The following ROBO2 variants were observed in gnomAD, a reference collection of about 807,000 sequenced individuals.
The protein encoded by ROBO2 is roundabout guidance receptor 2.
Under a neutral mutation model 160.8 loss-of-function variants are expected in ROBO2, and 53 were observed. That is an observed-to-expected ratio of 0.33 (90% CI 0.26 to 0.41). The LOEUF is 0.41. ROBO2 is among the 10% of genes least tolerant of loss of function. The probability of loss-of-function intolerance (pLI) is 1.00; values close to 1 mark genes in which losing one functional copy is unlikely to be tolerated. For synonymous variants in ROBO2, 664 were observed against 611.7 expected (o/e 1.09, Z -1.26); for missense variants, 1,577 against 1,722.4 (o/e 0.92, Z 1.49).
At chr3:77,260,454 C>T (rs370656826) in intron 2 of ROBO2, among the ~76,000 whole-genome samples, 4 of 152,008 alleles carry the variant, frequency 2.6e-5, no homozygotes, top group African/African-American at 7.3e-5. Context: ...TGAAGATTCA[C>T]CTGCAACTTA....
chr3:76,589,420 C>G (rs574474602), intron 2 of ROBO2, among the ~76,000 whole-genome samples: 1 of 152,306 alleles, frequency 6.6e-6, no homozygotes, highest in African/African-American at 2.4e-5. Flanking sequence ...CCTGCCTCAG[C>G]CTCCCGAGTA....
intron 2 of ROBO2, among the ~76,000 whole-genome samples, chr3:76,862,341 C>T (rs546604274): frequency 1.3e-5 from 2 of 152,138 alleles, no homozygotes; most frequent in South Asian, 2.1e-4. Flanking sequence ...GTGAGGGTAC[C>T]TGGCTAGGTC....
chr3:77,553,056 T>C, intron 8 of ROBO2, among the ~76,000 whole-genome samples: 1 of 151,962 alleles, frequency 6.6e-6, no homozygotes, highest in East Asian at 1.9e-4. Flanking sequence ...TTTTACAAAT[T>C]GAAGGTTTAT....
chr3:76,045,871 GTTTTAT>G (rs982675539), intron 2 of ROBO2, among the ~76,000 whole-genome samples: 1 of 151,888 alleles, frequency 6.6e-6, no homozygotes, highest in Admixed American at 6.6e-5. Context: ...CAGTAGAAGA[GTTTTAT>G]TTTTATTTTT....
chr3:77,067,014 TCACACACACACACTCA>T (rs1467557593), intron 1 of ROBO2, among the ~76,000 whole-genome samples: 3 of 133,050 alleles, frequency 2.3e-5, no homozygotes, highest in Non-Finnish European at 4.6e-5. Context: ...TCACACACTC[TCACACACACACACTCA>T]CACACACACA....
At chr3:77,360,807 AGCACTTTCATCTG>A (rs2069862084) in intron 2 of ROBO2, among the ~76,000 whole-genome samples, 1 of 152,098 alleles carries the variant, frequency 6.6e-6, no homozygotes, top group Non-Finnish European at 1.5e-5. Flanking sequence ...CTTAATTCTT[AGCACTTTCATCTG>A]ACCACATTCT....
At chr3:76,737,471 T>G (rs567695360) in intron 2 of ROBO2, among the ~76,000 whole-genome samples, 2 of 152,142 alleles carry the variant, frequency 1.3e-5, no homozygotes, top group Non-Finnish European at 2.9e-5. Context: ...ATTCAAAATT[T>G]TAAAGGGCAG....
intron 2 of ROBO2, among the ~76,000 whole-genome samples, chr3:76,345,412 G>A (rs1422723560): frequency 7.1e-6 from 1 of 141,688 alleles, no homozygotes; most frequent in African/African-American, 2.6e-5. Context: ...TGTTTCAAGA[G>A]TAGGCAGGAT....
At chr3:75,974,001 G>A (rs2065068179) in intron 2 of ROBO2, among the ~76,000 whole-genome samples, 4 of 151,410 alleles carry the variant, frequency 2.6e-5, no homozygotes. Flanking sequence ...TACATAACAC[G>A]AGAATAATAT....
rs2094448089 is a variant in ROBO2 at position 77,602,497 on chromosome 3, T to C, written c.3136+6T>C. The C allele has an allele frequency of 6.2e-7, 1 of 1,613,912 alleles. No homozygotes were observed. The highest frequency in any genetic ancestry group is 8.5e-7 in the Non-Finnish European group (1 of 1,179,980). ...TCAGAACAAAGGTAACAATGGTGAG[T>C]CAGGTTCTTGTGTCCTGAGGAGGTA... On this transcript the variant is annotated splice_donor_region_variant and intron_variant, in intron 20 of 25. Transcript: ENST00000461745.
chr3:77,080,149 A>G (rs913903402), intron 1 of ROBO2, among the ~76,000 whole-genome samples: 1 of 152,134 alleles, frequency 6.6e-6, no homozygotes, highest in African/African-American at 2.4e-5. Flanking sequence ...ATGCAAATGA[A>G]CCAATTAATG....
At chr3:77,622,192 T>C (rs768985747) in intron 22 of ROBO2, 35 bp from the exon 24 acceptor site, 2 of 1,583,980 alleles carry the variant, frequency 1.3e-6, no homozygotes, top group Non-Finnish European at 8.7e-7. Context: ...TGTTAATAAG[T>C]TGCTTTTCTT....
At chr3:77,473,054 G>T (rs960574708) in intron 2 of ROBO2, among the ~76,000 whole-genome samples, 4 of 151,920 alleles carry the variant, frequency 2.6e-5, no homozygotes, top group African/African-American at 7.3e-5. Context: ...CAGAGGGAGG[G>T]GTTCCGAGCG....
chr3:76,289,677 A>C (rs1576279812), intron 2 of ROBO2, among the ~76,000 whole-genome samples: 1 of 152,156 alleles, frequency 6.6e-6, no homozygotes, highest in Admixed American at 6.5e-5. Context: ...ATATGGTAAA[A>C]AGAAGTGGTA....
At chr3:76,759,302 T>A (rs1403960594) in intron 2 of ROBO2, among the ~76,000 whole-genome samples, 1 of 151,824 alleles carries the variant, frequency 6.6e-6, no homozygotes, top group African/African-American at 2.4e-5. Flanking sequence ...ATTATACAAC[T>A]CTTAGGTTTG....
chr3:77,021,085 C>A (rs529861697), intron 2 of ROBO2, among the ~76,000 whole-genome samples: 63 of 151,974 alleles, frequency 4.1e-4, no homozygotes, highest in Non-Finnish European at 7.9e-4. Flanking sequence ...TGGCATACAC[C>A]TGGGTCCTAG....
chr3:76,842,943 A>G (rs1559589780), intron 2 of ROBO2, among the ~76,000 whole-genome samples: 2 of 149,328 alleles, frequency 1.3e-5, no homozygotes, highest in Non-Finnish European at 3.0e-5. Flanking sequence ...ACAAGTAGTT[A>G]TTTTATTACA....
At chr3:77,483,211 A>G (rs184032547) in intron 4 of ROBO2, among the ~76,000 whole-genome samples, 22 of 152,260 alleles carry the variant, frequency 1.4e-4, no homozygotes, top group South Asian at 8.3e-4. Flanking sequence ...ATTAAGTTGA[A>G]GGAAAAACTA....
At chr3:77,240,651 G>A (rs2088902534) in intron 2 of ROBO2, among the ~76,000 whole-genome samples, 1 of 152,212 alleles carries the variant, frequency 6.6e-6, no homozygotes, top group Admixed American at 6.5e-5. Context: ...CTCGAATACT[G>A]TATTTTTGAC....
Sources: allele counts gnomAD v4.1 joint callset (sites outside exome capture counted in the v4.1 genomes callset), GRCh38; gene constraint gnomAD v4.1.1; transcripts MANE v1.5; gene names NCBI Gene and HGNC (gene_info 2026-07-23, HGNC 2026-07-21).